The following COL6A3 variants were observed in gnomAD, a reference collection of about 807,000 sequenced individuals.
COL6A3 encodes collagen alpha-3(VI) chain.
Under a neutral mutation model 274.1 loss-of-function variants are expected in COL6A3, and 137 were observed. That is an observed-to-expected ratio of 0.50 (90% confidence interval 0.44 to 0.58). The LOEUF is 0.58. Among genes scored for constraint, COL6A3 ranks in the 20% least tolerant of loss-of-function variants. COL6A3 has a pLI of 0.00. For synonymous variants in COL6A3, 1,650 were observed against 1,650.6 expected (o/e 1.00, Z 0.01); for missense variants, 3,950 against 4,124.9 (o/e 0.96, Z 1.16).
intron 41 of COL6A3, among the ~76,000 whole-genome samples, chr2:237,334,067 A>G (rs1700401452): frequency 6.6e-6 from 1 of 152,230 alleles, no homozygotes; most frequent in Non-Finnish European, 1.5e-5. Flanking sequence ...AAGCTGTGAC[A>G]GCACTCAAGT....
chr2:237,391,554 C>T (rs147187241), intron 3 of COL6A3, among the ~76,000 whole-genome samples: 1,844 of 150,108 alleles, frequency 0.012, 66 homozygotes, highest in Admixed American at 0.06. Context: ...TTGTTTTAGA[C>T]AGAGTTTCAC....
In COL6A3 at chr2:237,367,474, T is replaced by C. The variant is rs191384878; in HGVS notation, c.4901-188A>G. Among the ~76,000 whole-genome samples the C allele has an allele frequency of 7.2e-4, 110 of 152,316 alleles. 1 individual carries two copies. Among genetic ancestry groups the C allele is most frequent in the Non-Finnish European group, 1.3e-3 (87 of 68,028 alleles). The stretch of plus-strand genomic sequence containing the variant: ...ATTTGCAGCTCCCAAACATGCTAAA[T>C]ACAAGAAGATGAATGATAAATCCTC... On this transcript the variant is annotated intron_variant, in intron 10 of 43. Transcript: ENST00000295550.
intron 28 of COL6A3, among the ~76,000 whole-genome samples, chr2:237,349,440 T>C (rs963895483): frequency 6.6e-6 from 1 of 152,202 alleles, no homozygotes; most frequent in African/African-American, 2.4e-5. Context: ...TTAAAAGTAA[T>C]ACAAACAGAT....
In COL6A3 at chr2:237,336,403, A is replaced by C. The variant is rs1195477027; in HGVS notation, c.8697T>G (p.Ile2899Met). ...CTGGCTTCACAGATGGCTGATTTAT[A>C]ATAGTCACAGGCTTTGTTGTGGTGG... is the stretch of plus-strand genomic sequence containing the variant. ...PVTTTTKPVT[I>M]INQPSVKPAA... is the part of the protein sequence containing the mutation. Residue 2899 changes from isoleucine to methionine, a missense_variant, in exon 40 of 44, where the codon ATT becomes ATG. Around this residue, in one of 5 missense-constraint regions of COL6A3, gnomAD observed 1,284 missense variants for 1,349.7 expected, o/e 0.95. Coordinates refer to ENST00000295550, the MANE Select transcript of COL6A3 (RefSeq NM_004369.4). The C allele has an allele frequency of 4.3e-6, 7 of 1,614,160 alleles. 1 individual carries two copies. The South Asian group carries it at 7.7e-5, about 18-fold the overall frequency.
rs1393610027 is a variant in COL6A3, at chr2:237,358,505, A to G, written c.6471+16T>C. 6.2e-7 allele frequency: 1 copy of G among 1,611,376 alleles called. No individual in the cohort carries two copies. The highest frequency in any genetic ancestry group is 1.1e-5 in the South Asian group (1 of 91,022). ...CCCAGGCTCAGGTCTGAAATCGTCA[A>G]TAAAGAAATCTTTACCGGGTCCCCT... On this transcript the variant is annotated intron_variant, in intron 21 of 43. Coordinates refer to ENST00000295550, the MANE Select transcript of COL6A3 (RefSeq NM_004369.4).
At chr2:237,341,976 A>T in intron 37 of COL6A3, 89 bp downstream of exon 37, 1 of 1,110,626 alleles carries the variant, frequency 9.0e-7, no homozygotes, top group Non-Finnish European at 1.4e-6. Flanking sequence ...AGCTCTTTTT[A>T]CAGATCATCA....
At chr2:237,382,527 T>A (rs73093770) in intron 4 of COL6A3, among the ~76,000 whole-genome samples, 1 of 152,210 alleles carries the variant, frequency 6.6e-6, no homozygotes, top group Non-Finnish European at 1.5e-5. Context: ...GCAGGCACCC[T>A]GCCCATATTG....
chr2:237,324,673 A>G lies in COL6A3; in HGVS notation c.*101T>C. On this transcript the variant is annotated 3_prime_UTR_variant, in exon 44 of 44. Coordinates refer to ENST00000295550, the MANE Select transcript of COL6A3 (RefSeq NM_004369.4). ...CGAGTGTAAATCAAAGCATGAAATG[A>G]TACAGTGCAAGGGAATCTACACCCG... 4.8e-6 allele frequency: 5 copies of G among 1,049,070 alleles called. No homozygotes were observed. Among genetic ancestry groups the G allele is most frequent in the Non-Finnish European group, 5.9e-6 (4 of 676,638 alleles). The allele number at this position is 1,049,070 out of a possible 1,614,324, so 65.0% of individuals were successfully genotyped here.
At position 237,381,390 on chromosome 2, in the gene COL6A3, C is replaced by A. The variant is rs2106370324; in HGVS notation, c.1422G>T (p.Arg474Ser). 1 of 1,614,100 alleles carries A rather than the reference C, an allele frequency of 6.2e-7. No homozygotes were observed. The highest frequency in any genetic ancestry group is 8.5e-7 in the Non-Finnish European group (1 of 1,180,042). Residue 474 changes from arginine to serine, a missense_variant, in exon 5 of 44, where the codon AGG becomes AGT. By Grantham distance (110) the Arg-to-Ser change is moderately radical. Transcript: ENST00000295550. The stretch of plus-strand genomic sequence containing the variant: ...GGATAAGATCCTGTCCGATTTCCAG[C>A]CTCTGGATGACTTTAGCAATGAAGT... ...IRDFIAKVIQRLEIGQDLIQV... is the reference protein window; with the variant it reads ...IRDFIAKVIQSLEIGQDLIQV...
Position 237,357,352 on chromosome 2 carries a change from C to T in COL6A3, c.6577G>A (p.Glu2193Lys). The change falls in exon 23 of 44, where the codon GAA becomes AAA. Residue 2193 changes from glutamate (E) to lysine (K), a missense_variant. By Grantham distance (56) the Glu-to-Lys change is moderately conservative. Coordinates refer to ENST00000295550, the MANE Select transcript of COL6A3 (RefSeq NM_004369.4). ...ATGGCACTCACATTCTTCCCAGTTTCTCCAGGTCCTCCAGGTACTCCATCT... is the reference window on the plus strand; with the variant it reads ...ATGGCACTCACATTCTTCCCAGTTTTTCCAGGTCCTCCAGGTACTCCATCT... ...GRDGVPGGPG[E>K]TGKNGGFGRR... 6.2e-7 allele frequency: 1 copy of T among 1,614,070 alleles called. No homozygotes were observed. The highest frequency in any genetic ancestry group is 1.6e-4 in the Middle Eastern group (1 of 6,062).
chr2:237,361,802 C>G lies in COL6A3; in HGVS notation c.6093G>C (p.Gly2031=), dbSNP rs1308052991. ...TCTGCCCAGAGCACTTGCAGGGAAC[C>G]CCACAGCAAGCTTTCTCGGCAATGT... ...LDNIAEKACC[G]VPCKCSGQRG... is the part of the protein sequence containing the mutation. Residue 2031 remains glycine, a synonymous_variant, in exon 15 of 44, where the codon GGG becomes GGC. Transcript: ENST00000295550. This position sits in a 1 kb window ranked among gnomAD's most constrained non-coding sequence, Gnocchi z 5.1. 14 of 1,614,170 alleles carry G rather than the reference C, an allele frequency of 8.7e-6. No homozygotes were observed. The highest frequency in any genetic ancestry group is 1.2e-5 in the Non-Finnish European group (14 of 1,180,018).
In COL6A3 at chr2:237,380,846, T is replaced by G. The variant is rs560562318; in HGVS notation, c.1897+69A>C. ...TTAGCTAAACACAAACACACTTCAT[T>G]TTGTTTTGTTCTTAAAGGCCCTGCC... is the stretch of plus-strand genomic sequence containing the variant. On this transcript the variant is annotated intron_variant, in intron 5 of 43. Coordinates refer to ENST00000295550, the MANE Select transcript of COL6A3 (RefSeq NM_004369.4). 2.2e-5 allele frequency: 31 copies of G among 1,386,696 alleles called. 1 individual carries two copies. In the South Asian group the frequency reaches 3.7e-4, roughly 17 times the overall value. The allele number at this position is 1,386,696 out of a possible 1,614,324, so 85.9% of individuals were successfully genotyped here.
At chr2:237,350,262 G>A in intron 27 of COL6A3, 53 bp from the exon 28 acceptor site, 1 of 1,553,350 alleles carries the variant, frequency 6.4e-7, no homozygotes, top group South Asian at 1.1e-5. Context: ...GGCTTACAGT[G>A]TGATGCCAAG....
intron 21 of COL6A3, among the ~76,000 whole-genome samples, 162 bp from the exon 22 acceptor site, chr2:237,358,044 C>T (rs1185066172): frequency 2.6e-5 from 4 of 152,294 alleles, no homozygotes; most frequent in East Asian, 1.9e-4. Context: ...GCAGGTCTTA[C>T]GAAACCCAAT....
In COL6A3 at chr2:237,366,861, C is replaced by A. The variant is rs754788931; in HGVS notation, c.5326G>T (p.Val1776Phe). 17 of 1,614,144 alleles carry A rather than the reference C, an allele frequency of 1.1e-5. No individual in the cohort carries two copies. Among genetic ancestry groups the A allele is most frequent in the African/African-American group, 2.7e-5 (2 of 74,938 alleles). ...LTQRGVKVFA[V>F]GVRNIDSEEV... ...TCCGAGTCGATATTCCTCACTCCAA[C>A]AGCAAACACTTTGACCCCCCTCTGG... Residue 1776 changes from valine (V) to phenylalanine (F), a missense_variant, in exon 11 of 44, where the codon GTT becomes TTT. By Grantham distance (50) the Val-to-Phe change is conservative. Around this residue, in one of 5 missense-constraint regions of COL6A3, gnomAD observed 632 missense variants for 623.4 expected, o/e 1.01. Transcript: ENST00000295550.
rs1445718336 is a variant in COL6A3 at position 237,336,148 on chromosome 2, G to T, written c.8952C>A (p.Thr2984=). The change falls in exon 40 of 44, where the codon ACC becomes ACA. Residue 2984 remains threonine, a synonymous_variant. Transcript: ENST00000295550. ...AAKPAATKPA[T]TKPMVKMSRE... is the part of the protein sequence containing the mutation. ...GGGCTTTCTTACCCATGGGCTTAGT[G>T]GTGGCTGGCTTGGTGGCAGCTGGTT... 14 of 1,613,588 alleles carry T rather than the reference G, an allele frequency of 8.7e-6. No homozygotes were observed. The highest frequency in any genetic ancestry group is 9.3e-6 in the Non-Finnish European group (11 of 1,180,022).
At chr2:237,350,027 G>A in intron 28 of COL6A3, 120 bp downstream of exon 28, 3 of 964,016 alleles carry the variant, frequency 3.1e-6, no homozygotes, top group Non-Finnish European at 3.4e-6. Context: ...AGTATTTCCA[G>A]CCGTATCCCC....
chr2:237,381,404 T>C lies in COL6A3; in HGVS notation c.1408A>G (p.Lys470Glu). Residue 470 changes from lysine (K) to glutamate (E), a missense_variant, in exon 5 of 44, where the codon AAA becomes GAA. By Grantham distance (56) the Lys-to-Glu change is moderately conservative (BLOSUM62 1). This residue lies in a region of COL6A3 where 1,934 missense variants were observed against 1,984.3 expected (regional missense o/e 0.97). Coordinates refer to ENST00000295550, the MANE Select transcript of COL6A3 (RefSeq NM_004369.4). ...CCGATTTCCAGCCTCTGGATGACTT[T>C]AGCAATGAAGTCTCGGATGGCATTG... ...NFNAIRDFIA[K>E]VIQRLEIGQD... The C allele has an allele frequency of 1.9e-6, 3 of 1,613,934 alleles. No individual in the cohort carries two copies. The highest frequency in any genetic ancestry group is 2.5e-6 in the Non-Finnish European group (3 of 1,180,030).
Position 237,361,676 on chromosome 2 carries a change from C to T in COL6A3, c.6156+63G>A. 7.1e-7 allele frequency: 1 copy of T among 1,405,484 alleles called. No individual in the cohort carries two copies. The highest frequency in any genetic ancestry group is 1.0e-6 in the Non-Finnish European group (1 of 989,564). The allele number at this position is 1,405,484 out of a possible 1,614,324, so 87.1% of individuals were successfully genotyped here. A position where few individuals can be genotyped will look rare whatever the true frequency, so the allele number is the denominator to read the frequency against. ...CTCTTCTGTTAGAGAAATTACCCCA[C>T]CAAAGTAATGTCGGGCTTCTGACAC... On this transcript the variant is annotated intron_variant, in intron 15 of 43. Coordinates refer to ENST00000295550, the MANE Select transcript of COL6A3 (RefSeq NM_004369.4). The surrounding 1 kb of genome is among the most constrained non-coding windows in gnomAD (Gnocchi z 5.1).
Sources: allele counts gnomAD v4.1 joint callset (sites outside exome capture counted in the v4.1 genomes callset), GRCh38; gene constraint gnomAD v4.1.1; regional missense constraint gnomAD v4.1.1; non-coding constraint Gnocchi (gnomAD v3.1); transcripts MANE v1.5; gene names NCBI Gene and HGNC (gene_info 2026-07-23, HGNC 2026-07-21).